Variants in CNTLN observed in about 807,000 individuals in gnomAD.
The protein encoded by CNTLN is centlein.
CNTLN carries 212 observed loss-of-function variants against 180.0 expected under a neutral mutation model. The observed-to-expected ratio is 1.18, with a 90% CI of 1.05 to 1.32. CNTLN has a LOEUF of 1.32. Ranked by LOEUF, CNTLN falls within the 40% of genes most tolerant of loss-of-function variation. The probability of loss-of-function intolerance (pLI) is 0.00; values close to 1 mark genes in which losing one functional copy is unlikely to be tolerated. For missense variants in CNTLN, 2,095 were observed against 1,610.9 expected (o/e 1.30, Z -5.14); for synonymous variants, 722 against 563.1 (o/e 1.28, Z -3.99).
intron 2 of CNTLN, among the ~76,000 whole-genome samples, chr9:17,221,949 C>A (rs1053909449): frequency 9.2e-5 from 14 of 152,074 alleles, no homozygotes; most frequent in African/African-American, 2.4e-4. Context: ...TTTGGAAGAA[C>A]TGTTTATATT....
intron 13 of CNTLN, among the ~76,000 whole-genome samples, chr9:17,383,987 T>C (rs1282765349): frequency 6.6e-6 from 1 of 152,134 alleles, no homozygotes; most frequent in Non-Finnish European, 1.5e-5. Flanking sequence ...AATGTTAAAC[T>C]TCACAAAGCT....
the CNTLN span, among the ~76,000 whole-genome samples, chr9:17,526,063 G>A: frequency 4.6e-5 from 7 of 152,238 alleles, 1 homozygote; most frequent in African/African-American, 4.8e-5. Flanking sequence ...AGCCTCCTGA[G>A]TAGCTGAGAC....
Position 17,416,059 on chromosome 9 carries a change from ACAGTGTACTT to A in CNTLN, c.2988_2997del (p.Ser996ArgfsTer39). The A allele has an allele frequency of 6.2e-7, 1 of 1,613,672 alleles. No individual in the cohort carries two copies. Among genetic ancestry groups the A allele is most frequent in the Non-Finnish European group, 8.5e-7 (1 of 1,179,720 alleles). On this transcript the variant is annotated frameshift_variant, in exon 18 of 26. Coordinates refer to ENST00000380647, the MANE Select transcript of CNTLN (RefSeq NM_017738.4). LOFTEE classifies it high-confidence loss of function. ...CGGATTATATCCTTGCAACAACAAA[ACAGTGTACTT>A]CAGAATGCCAAGAAAACAGCAGAAT...
At chr9:17,451,241 TA>T (rs1269762570) in intron 18 of CNTLN, among the ~76,000 whole-genome samples, 1 of 152,184 alleles carries the variant, frequency 6.6e-6, no homozygotes, top group African/African-American at 2.4e-5. Context: ...TCTGTTCAAT[TA>T]GAATTTTCTC....
At position 17,485,853 on chromosome 9, in the gene CNTLN, T is replaced by C. The variant is rs576244258; in HGVS notation, c.4042-1136T>C. Among the ~76,000 whole-genome samples the C allele has an allele frequency of 2.4e-4, 37 of 152,268 alleles. No individual in the cohort carries two copies. The South Asian group carries it at 7.7e-3, about 32-fold the overall frequency. On this transcript the variant is annotated intron_variant, in intron 24 of 25. Coordinates refer to ENST00000380647, the MANE Select transcript of CNTLN (RefSeq NM_017738.4). ...ATTAGCAAAAAAAGCCCTCTTTGAA[T>C]GAGCAAATCAGAAAGGTTGTCCTCT... is the stretch of plus-strand genomic sequence containing the variant.
At chr9:17,403,039 G>A (rs1298231482) in intron 15 of CNTLN, among the ~76,000 whole-genome samples, 1 of 151,686 alleles carries the variant, frequency 6.6e-6, no homozygotes, top group East Asian at 1.9e-4. Flanking sequence ...CGTCAAAAGA[G>A]GCATTTTTCA....
intron 23 of CNTLN, among the ~76,000 whole-genome samples, chr9:17,471,178 C>G (rs773615748): frequency 6.6e-6 from 1 of 151,628 alleles, no homozygotes; most frequent in Non-Finnish European, 1.5e-5. Context: ...ATTTTTTATC[C>G]CAAAAACCAT....
chr9:17,411,141 AG>A (rs1827812973), intron 16 of CNTLN, among the ~76,000 whole-genome samples: 1 of 152,166 alleles, frequency 6.6e-6, no homozygotes, highest in Admixed American at 6.5e-5. Context: ...TCAGCACTCA[AG>A]GAACAACATG....
intron 12 of CNTLN, among the ~76,000 whole-genome samples, chr9:17,364,302 T>G (rs572558811): frequency 6.6e-6 from 1 of 152,294 alleles, no homozygotes; most frequent in South Asian, 2.1e-4. Flanking sequence ...ATACCTCTAC[T>G]GTTTTCCTTC....
chr9:17,460,499 C>T (rs1198847552), intron 19 of CNTLN, among the ~76,000 whole-genome samples: 2 of 151,514 alleles, frequency 1.3e-5, no homozygotes, highest in Non-Finnish European at 3.0e-5. Flanking sequence ...CACTTTTTGG[C>T]CATTAACTTC....
intron 2 of CNTLN, among the ~76,000 whole-genome samples, chr9:17,155,115 C>T (rs1267973485): frequency 2.0e-5 from 3 of 152,168 alleles, no homozygotes; most frequent in Non-Finnish European, 2.9e-5. Flanking sequence ...AGCAAGACCA[C>T]GAACCCACTG....
intron 5 of CNTLN, among the ~76,000 whole-genome samples, chr9:17,262,232 C>T (rs1400900670): frequency 6.6e-6 from 1 of 151,510 alleles, no homozygotes; most frequent in Non-Finnish European, 1.5e-5. Context: ...TGGGTATATA[C>T]TCAAAGGGTT....
At chr9:17,386,590 G>A (rs1473819105) in intron 13 of CNTLN, among the ~76,000 whole-genome samples, 1 of 152,132 alleles carries the variant, frequency 6.6e-6, no homozygotes, top group Non-Finnish European at 1.5e-5. Context: ...TCCATGGCAT[G>A]AGCTTATCTT....
intron 5 of CNTLN, among the ~76,000 whole-genome samples, chr9:17,267,251 C>T (rs2132444352): frequency 6.6e-6 from 1 of 152,230 alleles, no homozygotes; most frequent in Middle Eastern, 3.4e-3. Flanking sequence ...CAAAATCTCT[C>T]AGCATTTGTT....
At position 17,403,461 on chromosome 9, in the gene CNTLN, A is replaced by AG. The variant is rs1235592345; in HGVS notation, c.2616-5831dup. ...AGACCAATTGCAAATCCCAAAAAAA[A>AG]GCTTCATTCTCCAGAGGAAACCAAC... On this transcript the variant is annotated intron_variant, in intron 15 of 25. Transcript: ENST00000380647. Among the ~76,000 whole-genome samples, 20 of 151,678 alleles carry AG rather than the reference A, an allele frequency of 1.3e-4. 1 individual carries two copies. Among genetic ancestry groups the AG allele is most frequent in the Non-Finnish European group, 2.6e-4 (18 of 68,010 alleles).
chr9:17,313,176 C>A (rs1315122055), intron 8 of CNTLN, among the ~76,000 whole-genome samples: 2 of 152,136 alleles, frequency 1.3e-5, no homozygotes, highest in Non-Finnish European at 2.9e-5. Flanking sequence ...ATAACTTTCT[C>A]ATTCTTTTAA....
chr9:17,384,543 C>T (rs1269431558), intron 13 of CNTLN, among the ~76,000 whole-genome samples: 1 of 152,142 alleles, frequency 6.6e-6, no homozygotes, highest in Non-Finnish European at 1.5e-5. Flanking sequence ...AAATTCTCTC[C>T]TACTCATCAG....
At chr9:17,370,639 TAC>T (rs1300974527) in intron 13 of CNTLN, among the ~76,000 whole-genome samples, 1 of 152,104 alleles carries the variant, frequency 6.6e-6, no homozygotes, top group Non-Finnish European at 1.5e-5. Context: ...CAATAGTAAG[TAC>T]ACAGAATGAC....
chr9:17,185,881 C>G (rs1413601605), intron 2 of CNTLN, among the ~76,000 whole-genome samples: 1 of 151,772 alleles, frequency 6.6e-6, no homozygotes, highest in Non-Finnish European at 1.5e-5. Flanking sequence ...TAGCCTCTAC[C>G]TCCTGGGCTC....
Sources: gnomAD v4.1 joint callset for allele counts (sites outside exome capture counted in the v4.1 genomes callset) on GRCh38, gnomAD v4.1.1 for gene constraint, MANE v1.5 for transcripts, NCBI Gene and HGNC (gene_info 2026-07-23, HGNC 2026-07-21) for gene names.